ZMYM2: variants seen among roughly 807,000 people sequenced by gnomAD.
ZMYM2 encodes the protein zinc finger MYM-type containing 2.
Under a neutral mutation model 162.8 loss-of-function variants are expected in ZMYM2, and 56 were observed. That is an observed-to-expected ratio of 0.34 (90% CI 0.28 to 0.43). The LOEUF is 0.43. Among genes scored for constraint, ZMYM2 ranks in the 20% least tolerant of loss-of-function variants. The pLI is 1.00. For missense variants in ZMYM2, 1,275 were observed against 1,621.8 expected (o/e 0.79, Z 3.67); for synonymous variants, 510 against 541.6 (o/e 0.94, Z 0.81).
At chr13:20,014,483 A>C (rs1247196949) in intron 6 of ZMYM2, among the ~76,000 whole-genome samples, 1 of 152,150 alleles carries the variant, frequency 6.6e-6, no homozygotes. Context: ...CATTTCATCT[A>C]GGCTGTGTAA....
At chr13:19,931,846 A>G in the ZMYM2 span, among the ~76,000 whole-genome samples, 1 of 152,208 alleles carries the variant, frequency 6.6e-6, no homozygotes, top group Non-Finnish European at 1.5e-5. Context: ...GGCTGCTCCC[A>G]ACTCCTGGGC....
At chr13:19,918,130 A>G in the ZMYM2 span, among the ~76,000 whole-genome samples, 3 of 152,100 alleles carry the variant, frequency 2.0e-5, no homozygotes, top group Non-Finnish European at 4.4e-5. Flanking sequence ...GGAAATTTAT[A>G]TTTTCATTAA....
chr13:19,974,100 C>T (rs561411167), intron 2 of ZMYM2, among the ~76,000 whole-genome samples: 1 of 152,282 alleles, frequency 6.6e-6, no homozygotes, highest in East Asian at 1.9e-4. Context: ...AATCAAATCC[C>T]AGTATATTTG....
chr13:19,950,184 GAAAT>G, the ZMYM2 span, among the ~76,000 whole-genome samples: 16 of 151,748 alleles, frequency 1.1e-4, no homozygotes, highest in East Asian at 3.9e-4. Context: ...TTAGGAGGCT[GAAAT>G]AAATAAATAA....
chr13:19,894,307 C>T, the ZMYM2 span, among the ~76,000 whole-genome samples: 1 of 151,346 alleles, frequency 6.6e-6, no homozygotes, highest in Admixed American at 6.6e-5. Context: ...GCAAAATCAT[C>T]TACTGCAAGG....
At chr13:19,900,402 G>A in the ZMYM2 span, among the ~76,000 whole-genome samples, 1 of 152,060 alleles carries the variant, frequency 6.6e-6, no homozygotes, top group African/African-American at 2.4e-5. Flanking sequence ...TAACAAAATA[G>A]CGTATCTGAA....
intron 12 of ZMYM2, among the ~76,000 whole-genome samples, chr13:20,038,967 T>G (rs567377942): frequency 6.6e-6 from 1 of 152,116 alleles, no homozygotes; most frequent in East Asian, 1.9e-4. Context: ...GAGCAGTATT[T>G]TGTAGTTCTT....
chr13:20,047,479 A>C (rs1359245744), intron 12 of ZMYM2, among the ~76,000 whole-genome samples: 1 of 152,194 alleles, frequency 6.6e-6, no homozygotes, highest in Non-Finnish European at 1.5e-5. Context: ...AAGGAAAAAA[A>C]GTGCTTCATC....
chr13:20,024,110 T>G (rs1016375409), intron 7 of ZMYM2, among the ~76,000 whole-genome samples: 2 of 152,084 alleles, frequency 1.3e-5, no homozygotes, highest in African/African-American at 4.8e-5. Flanking sequence ...AACTTTTGTA[T>G]TTTTAGTAGA....
At chr13:20,039,899 G>A (rs762346576) in intron 12 of ZMYM2, among the ~76,000 whole-genome samples, 20 of 152,170 alleles carry the variant, frequency 1.3e-4, no homozygotes, top group South Asian at 4.1e-4. Context: ...ATTGATTTGC[G>A]TATATTGAAC....
In ZMYM2 at chr13:20,086,771, GTATA is replaced by G. The variant is rs35941536; in HGVS notation, c.*782_*785del. 506 of 133,816 alleles carry G rather than the reference GTATA, an allele frequency of 3.8e-3. 1 individual carries two copies. Among genetic ancestry groups the G allele is most frequent in the Middle Eastern group, 7.4e-3 (2 of 270 alleles). 8.3% of individuals were successfully genotyped at this position (133,816 alleles called of 1,614,324 possible). A position where few individuals can be genotyped will look rare whatever the true frequency, so the allele number is the denominator to read the frequency against. On this transcript the variant is annotated 3_prime_UTR_variant, in exon 25 of 25. Coordinates refer to ENST00000610343, the MANE Select transcript of ZMYM2 (RefSeq NM_197968.4). ...TATATATATGTATGTATGTGTGTGT[GTATA>G]TATATATATATATATATATATATAA...
At chr13:19,938,178 G>C in the ZMYM2 span, among the ~76,000 whole-genome samples, 14 of 152,208 alleles carry the variant, frequency 9.2e-5, no homozygotes, top group African/African-American at 3.4e-4. Flanking sequence ...GTAATGGGAT[G>C]GCTGGGTCAA....
chr13:20,070,101 T>TTTAG (rs1207330666), intron 21 of ZMYM2: 2 of 154,060 alleles, frequency 1.3e-5, no homozygotes, highest in African/African-American at 4.8e-5. Flanking sequence ...CCACATGAAT[T>TTTAG]TTAGTTTCAG....
chr13:19,885,188 C>T, the ZMYM2 span, among the ~76,000 whole-genome samples: 1,852 of 152,196 alleles, frequency 0.012, 39 homozygotes, highest in African/African-American at 0.041. Flanking sequence ...GTGGGAGAAT[C>T]GCTGCAGCCC....
At chr13:20,085,379 G>A (rs1436454887) in intron 24 of ZMYM2, among the ~76,000 whole-genome samples, 1 of 152,118 alleles carries the variant, frequency 6.6e-6, no homozygotes, top group Non-Finnish European at 1.5e-5. Flanking sequence ...CTATTACCTT[G>A]TTGGTATTTT....
At chr13:20,046,581 A>G (rs28656055) in intron 12 of ZMYM2, among the ~76,000 whole-genome samples, 106 of 117,486 alleles carry the variant, frequency 9.0e-4, no homozygotes, top group Middle Eastern at 8.2e-3. Flanking sequence ...ATATATATAT[A>G]TGTGTGTGTG....
chr13:19,991,079 CTG>C (rs56666919), intron 2 of ZMYM2, among the ~76,000 whole-genome samples: 3,659 of 59,882 alleles, frequency 0.061, 49 homozygotes, highest in Non-Finnish European at 0.079. Flanking sequence ...TATGTATTTT[CTG>C]TGTGTGTGTG....
chr13:20,001,252 T>A (rs550309028), intron 3 of ZMYM2, among the ~76,000 whole-genome samples: 21 of 151,916 alleles, frequency 1.4e-4, no homozygotes, highest in African/African-American at 5.1e-4. Flanking sequence ...ATCAGCTAGG[T>A]GTGGTGGCAC....
chr13:19,962,513 A>T lies in ZMYM2; in HGVS notation c.-11+2487A>T, dbSNP rs28730525. 6.4e-3 allele frequency among the ~76,000 whole-genome samples: 378 copies of T among 59,066 alleles called. 7 individuals are homozygous for T. Among genetic ancestry groups the T allele is most frequent in the African/African-American group, 0.016 (272 of 17,320 alleles). 38.7% of individuals were successfully genotyped at this position (59,066 alleles called of 152,430 possible). A position where few individuals can be genotyped will look rare whatever the true frequency, so the allele number is the denominator to read the frequency against. The stretch of plus-strand genomic sequence containing the variant: ...TTGCATGGGATATATATATATATAT[A>T]TATTTTTTTTTTTTTTTTTTTTTTT... On this transcript the variant is annotated intron_variant, in intron 2 of 24. Transcript: ENST00000610343.
Sources: allele counts gnomAD v4.1 joint callset (sites outside exome capture counted in the v4.1 genomes callset), GRCh38; gene constraint gnomAD v4.1.1; transcripts MANE v1.5; gene names NCBI Gene and HGNC (gene_info 2026-07-23, HGNC 2026-07-21).